Variants in VPS8 observed in about 807,000 individuals in gnomAD.
VPS8 encodes the protein VPS8 subunit of CORVET complex.
In VPS8, 129 loss-of-function variants were observed where a neutral mutation model predicts 216.4. The ratio of observed to expected loss-of-function variants is 0.60; its 90% confidence interval spans 0.52 to 0.69. VPS8 has a LOEUF of 0.69. Ranked by LOEUF, VPS8 falls within the 30% of genes least tolerant of loss-of-function variation. VPS8 has a pLI of 0.00. For missense variants in VPS8, 1,531 were observed against 1,683.5 expected (o/e 0.91, Z 1.59); for synonymous variants, 571 against 565.4 (o/e 1.01, Z -0.14).
chr3:184,857,734 T>G (rs970020345), intron 14 of VPS8, among the ~76,000 whole-genome samples: 2 of 152,200 alleles, frequency 1.3e-5, no homozygotes, highest in Non-Finnish European at 2.9e-5. Flanking sequence ...TCATTATTAA[T>G]CTAGATCAGG....
intron 39 of VPS8, among the ~76,000 whole-genome samples, chr3:184,968,230 G>C (rs1261251032): frequency 6.6e-6 from 1 of 152,044 alleles, no homozygotes; most frequent in Non-Finnish European, 1.5e-5. Context: ...CCTTTTTAAG[G>C]CTGAATAAAT....
chr3:184,817,357 G>C (rs565001267), intron 1 of VPS8: 4 of 152,356 alleles, frequency 2.6e-5, no homozygotes, highest in African/African-American at 9.7e-5. Flanking sequence ...GAACAAGGCA[G>C]ATCTGGTCTT....
intron 7 of VPS8, 79 bp from the exon 8 acceptor site, chr3:184,843,161 C>T: frequency 1.8e-6 from 2 of 1,117,604 alleles, no homozygotes; most frequent in Non-Finnish European, 1.2e-6. Context: ...AAATTTTTTA[C>T]CTGCCTTTTC....
At chr3:184,936,560 T>TGTGTGTGTGTGTGG (rs1002254750) in intron 35 of VPS8, among the ~76,000 whole-genome samples, 1 of 148,414 alleles carries the variant, frequency 6.7e-6, no homozygotes, top group South Asian at 2.2e-4. Flanking sequence ...TGTGTGTGTG[T>TGTGTGTGTGTGTGG]GGTTGGGAGC....
At chr3:184,955,043 C>G (rs1359827305) in intron 36 of VPS8, among the ~76,000 whole-genome samples, 1 of 152,184 alleles carries the variant, frequency 6.6e-6, no homozygotes, top group East Asian at 1.9e-4. Context: ...CTTGAGGGCT[C>G]TTTGGTCAAG....
chr3:184,902,874 A>G (rs1439172819), intron 25 of VPS8, among the ~76,000 whole-genome samples: 1 of 152,054 alleles, frequency 6.6e-6, no homozygotes, highest in African/African-American at 2.4e-5. Flanking sequence ...AGTGTCATAA[A>G]TATTTTCTCC....
At chr3:184,866,660 G>T (rs552008573) in intron 16 of VPS8, among the ~76,000 whole-genome samples, 11 of 152,202 alleles carry the variant, frequency 7.2e-5, no homozygotes, top group Non-Finnish European at 1.6e-4. Context: ...AGTATGTAGC[G>T]CTGGGATGTA....
chr3:184,885,446 G>A (rs1312813328), intron 21 of VPS8, among the ~76,000 whole-genome samples: 1 of 152,152 alleles, frequency 6.6e-6, no homozygotes, highest in Non-Finnish European at 1.5e-5. Flanking sequence ...TACTTGATAC[G>A]TGTGTGTACA....
chr3:185,049,988 C>T (rs752111476), intron 47 of VPS8, among the ~76,000 whole-genome samples: 1 of 152,114 alleles, frequency 6.6e-6, no homozygotes, highest in Non-Finnish European at 1.5e-5. Flanking sequence ...AGCTCTGCCC[C>T]AGGAGTTGGG....
At chr3:185,000,027 C>G (rs978081996) in intron 45 of VPS8, among the ~76,000 whole-genome samples, 166 bp downstream of exon 45, 4 of 152,194 alleles carry the variant, frequency 2.6e-5, no homozygotes, top group African/African-American at 9.7e-5. Context: ...AGAGCCTCTC[C>G]TCTCTACTCA....
rs1159282567 is a variant in VPS8 at position 185,022,291 on chromosome 3, A to AG, written c.4003-2045_4003-2044insG. On this transcript the variant is annotated intron_variant, in intron 45 of 47. Coordinates refer to ENST00000625842, the MANE Select transcript of VPS8 (RefSeq NM_001009921.3). The stretch of plus-strand genomic sequence containing the variant: ...AGTCAATTAAACCTCTTTCCTATAA[A>AG]TTGCCCAGTCACAGGAATTTCTTAA... 3.9e-5 allele frequency among the ~76,000 whole-genome samples: 6 copies of AG among 152,264 alleles called. No individual in the cohort carries two copies. The East Asian group carries it at 1.2e-3, about 29-fold the overall frequency.
chr3:184,958,633 G>A (rs547063929), intron 37 of VPS8, among the ~76,000 whole-genome samples: 31 of 152,292 alleles, frequency 2.0e-4, no homozygotes, highest in African/African-American at 6.7e-4. Context: ...GCTTTAGTGT[G>A]CAGAGCTTCA....
chr3:184,834,848 G>C, intron 5 of VPS8, 106 bp downstream of exon 5: 1 of 808,288 alleles, frequency 1.2e-6, no homozygotes, highest in Non-Finnish European at 1.9e-6. Context: ...CGAGGCTTAA[G>C]AAAAATAGAA....
At chr3:184,963,475 G>T (rs1328775782) in intron 37 of VPS8, among the ~76,000 whole-genome samples, 3 of 152,008 alleles carry the variant, frequency 2.0e-5, no homozygotes, top group Non-Finnish European at 2.9e-5. Flanking sequence ...TATATTGATT[G>T]CTGCTGCTGT....
intron 45 of VPS8, among the ~76,000 whole-genome samples, chr3:185,001,259 A>ACTGAGGGACTGAGGGTT (rs1419530480): frequency 6.6e-6 from 1 of 152,164 alleles, no homozygotes; most frequent in East Asian, 1.9e-4. Flanking sequence ...TCCCACACGA[A>ACTGAGGGACTGAGGGTT]CAGTCCTCAC....
intron 46 of VPS8, among the ~76,000 whole-genome samples, chr3:185,035,391 A>C (rs1350732316): frequency 6.6e-6 from 1 of 152,220 alleles, no homozygotes; most frequent in Non-Finnish European, 1.5e-5. Flanking sequence ...CCACCAGTAC[A>C]TCAAAAAGTT....
chr3:184,961,735 T>TA (rs1491543547), intron 37 of VPS8, among the ~76,000 whole-genome samples: 41 of 136,346 alleles, frequency 3.0e-4, no homozygotes, highest in South Asian at 6.8e-4. Flanking sequence ...TTTTTTTTTT[T>TA]ACCAATTTTT....
intron 45 of VPS8, among the ~76,000 whole-genome samples, chr3:185,004,889 GT>G (rs903498851): frequency 4.7e-5 from 7 of 148,858 alleles, no homozygotes; most frequent in Admixed American, 2.1e-4. Flanking sequence ...TATTTATTTG[GT>G]TTTTTTTGTT....
chr3:184,842,946 A>C (rs1435765788), intron 7 of VPS8, among the ~76,000 whole-genome samples: 1 of 150,558 alleles, frequency 6.6e-6, no homozygotes, highest in African/African-American at 2.4e-5. Flanking sequence ...TTTGGTTATT[A>C]GTGTACTTCA....
Sources: gnomAD v4.1 joint callset for allele counts (sites outside exome capture counted in the v4.1 genomes callset) on GRCh38, gnomAD v4.1.1 for gene constraint, MANE v1.5 for transcripts, NCBI Gene and HGNC (gene_info 2026-07-23, HGNC 2026-07-21) for gene names.